Variants in HELZ observed in about 807,000 individuals in gnomAD.
The protein encoded by HELZ is helicase with zinc finger.
Under a neutral mutation model 218.2 loss-of-function variants are expected in HELZ, and 23 were observed. That is an observed-to-expected ratio of 0.11 (90% confidence interval 0.08 to 0.15). The LOEUF (loss-of-function observed/expected upper bound fraction) is 0.15, where lower values mean the gene tolerates loss of function less well. Among genes scored for constraint, HELZ ranks in the 10% least tolerant of loss-of-function variants. The pLI, the probability that HELZ is intolerant of heterozygous loss-of-function variation, is 1.00. For synonymous variants in HELZ, 814 were observed against 829.4 expected (o/e 0.98, Z 0.32); for missense variants, 1,813 against 2,353.7 (o/e 0.77, Z 4.75).
At position 67,070,875 on chromosome 17, in the gene HELZ, G is replaced by C. The variant is rs2035869787; in HGVS notation, c.*7377C>G. The stretch of plus-strand genomic sequence containing the variant: ...AACCTGACCACCTCAGTTTTGTACA[G>C]CTTCCCTCAGGAAGACTTCCCAAAA... On this transcript the variant is annotated 3_prime_UTR_variant, in exon 33 of 33. Transcript: ENST00000358691. 1 of 152,114 alleles carries C rather than the reference G, an allele frequency of 6.6e-6. No individual in the cohort carries two copies. The highest frequency in any genetic ancestry group is 6.5e-5 in the Admixed American group (1 of 15,270). 9.4% of individuals were successfully genotyped at this position (152,114 alleles called of 1,614,324 possible). A position where few individuals can be genotyped will look rare whatever the true frequency, so the allele number is the denominator to read the frequency against.
intron 12 of HELZ, among the ~76,000 whole-genome samples, chr17:67,184,296 A>G (rs538369787): frequency 7.9e-5 from 12 of 152,340 alleles, no homozygotes; most frequent in African/African-American, 2.9e-4. Flanking sequence ...GGCATTCTAC[A>G]CCTTCGGTGT....
At chr17:67,104,685 C>G (rs561815476) in intron 31 of HELZ, among the ~76,000 whole-genome samples, 35 of 152,116 alleles carry the variant, frequency 2.3e-4, no homozygotes, top group Non-Finnish European at 3.4e-4. Context: ...AAAAAAACCT[C>G]TTATAACTAA....
At chr17:67,083,604 G>T (rs1273398754) in intron 32 of HELZ, among the ~76,000 whole-genome samples, 6 of 152,156 alleles carry the variant, frequency 3.9e-5, no homozygotes, top group Admixed American at 2.0e-4. Context: ...CTCCAGTCTG[G>T]GTGTCAAGAG....
At chr17:67,218,229 GC>G (rs150699966) in intron 4 of HELZ, among the ~76,000 whole-genome samples, 31,325 of 151,968 alleles carry the variant, frequency 0.21, 3,432 homozygotes, top group African/African-American at 0.29. Flanking sequence ...ACCACGCCCA[GC>G]CGGTGTTTAT....
chr17:67,115,046 T>G lies in HELZ; in HGVS notation c.3839-643A>C, dbSNP rs190081751. Among the ~76,000 whole-genome samples, 13 of 152,306 alleles carry G rather than the reference T, an allele frequency of 8.5e-5. No individual in the cohort carries two copies. In the East Asian group the frequency reaches 1.2e-3, roughly 14 times the overall value. On this transcript the variant is annotated intron_variant, in intron 27 of 32. Transcript: ENST00000358691. ...TAAGTTCCTTGAAGGAATCCTTGATTTAGGTTCTTGTTCCAAAACATTCTT... is the reference window on the plus strand; with the variant it reads ...TAAGTTCCTTGAAGGAATCCTTGATGTAGGTTCTTGTTCCAAAACATTCTT...
intron 18 of HELZ, among the ~76,000 whole-genome samples, chr17:67,150,655 AGAAAAG>A (rs1021563005): frequency 2.0e-5 from 3 of 152,208 alleles, no homozygotes; most frequent in African/African-American, 7.2e-5. Context: ...AAAGTGTAAA[AGAAAAG>A]GAAAACACCA....
At chr17:67,174,748 GACTGC>G (rs925943584) in intron 13 of HELZ, among the ~76,000 whole-genome samples, 20 of 152,106 alleles carry the variant, frequency 1.3e-4, no homozygotes, top group South Asian at 1.0e-3. Flanking sequence ...TGGTGAGCGA[GACTGC>G]ACCATTGCAC....
intron 1 of HELZ, 133 bp downstream of exon 1, chr17:67,245,014 AG>A (rs2041441440): frequency 2.0e-6 from 2 of 984,992 alleles, no homozygotes; most frequent in African/African-American, 3.5e-5. Flanking sequence ...CGGGCCGCCC[AG>A]GCCCCCAGCC....
chr17:67,150,958 T>C, intron 18 of HELZ, 88 bp downstream of exon 18: 1 of 1,055,324 alleles, frequency 9.5e-7, no homozygotes, highest in Non-Finnish European at 1.4e-6. Context: ...TGAGCCAGAT[T>C]TGGCCCACAC....
chr17:67,189,447 CT>C (rs1361168938), intron 11 of HELZ, 141 bp downstream of exon 11: 1 of 521,748 alleles, frequency 1.9e-6, no homozygotes, highest in Non-Finnish European at 3.5e-6. Flanking sequence ...CAGAAATATA[CT>C]TTAGTACAAT....
intron 3 of HELZ, chr17:67,225,021 G>T: frequency 4.4e-6 from 3 of 675,100 alleles, no homozygotes; most frequent in South Asian, 1.4e-5. Flanking sequence ...TAAGAGAAAG[G>T]GTCAAGTGAT....
intron 21 of HELZ, 129 bp from the exon 22 acceptor site, chr17:67,138,243 ACCCCT>A: frequency 7.8e-5 from 47 of 600,556 alleles, no homozygotes; most frequent in Non-Finnish European, 1.1e-4. Context: ...AAAAAAAACT[ACCCCT>A]AAATGGGAGT....
chr17:67,202,393 T>C lies in HELZ; in HGVS notation c.372+926A>G, dbSNP rs143251992. ...CCTATTGCCCTAGCTACTGAGGAGG[T>C]TGAAACAGGATCACTTGAGCCCAAG... On this transcript the variant is annotated intron_variant, in intron 6 of 32. Transcript: ENST00000358691. Among the ~76,000 whole-genome samples the C allele has an allele frequency of 7.0e-3, 1,068 of 152,166 alleles. 11 individuals carry two copies. The highest frequency in any genetic ancestry group is 0.023 in the African/African-American group (953 of 41,514).
intron 24 of HELZ, among the ~76,000 whole-genome samples, chr17:67,127,970 A>G (rs1199647860): frequency 6.6e-6 from 1 of 152,206 alleles, no homozygotes; most frequent in African/African-American, 2.4e-5. Flanking sequence ...CAAATACTAA[A>G]CATGCCAGTC....
chr17:67,078,477 G>A lies in HELZ; in HGVS notation c.5604C>T (p.Pro1868=), dbSNP rs373138572. The A allele has an allele frequency of 5.1e-6, 8 of 1,582,226 alleles. No individual in the cohort carries two copies. The African/African-American group carries it at 1.1e-4, about 22-fold the overall frequency. ...CCGCGATCTGCTTGTTAGGCATAAGGGGTGGAAACTGGCCAAGATGCTGCA... is the reference window on the plus strand; with the variant it reads ...CCGCGATCTGCTTGTTAGGCATAAGAGGTGGAAACTGGCCAAGATGCTGCA... ...SVLQHLGQFP[P]LMPNKQIAES... Residue 1868 remains proline, a synonymous_variant, in exon 33 of 33, where the codon CCC becomes CCT. Coordinates refer to ENST00000358691, the MANE Select transcript of HELZ (RefSeq NM_014877.4).
At chr17:67,210,764 A>G (rs1179426625) in intron 5 of HELZ, among the ~76,000 whole-genome samples, 1 of 152,072 alleles carries the variant, frequency 6.6e-6, no homozygotes, top group Non-Finnish European at 1.5e-5. Flanking sequence ...TCTACTAAAA[A>G]TACAAAAATT....
At position 67,078,369 on chromosome 17, in the gene HELZ, T is replaced by A; in HGVS notation, c.5712A>T (p.Pro1904=). Residue 1904 remains proline (P), a synonymous_variant, in exon 33 of 33, where the codon CCA becomes CCT. Transcript: ENST00000358691. ...CCTGCTCAGGAGGGGGCCTGGGCTT[T>A]GGAGGGGCCCGCAGAGCGCTGGCAT... The part of the protein sequence containing the change: ...MSYASALRAP[P]KPRPPPEQAK... 2 of 1,611,846 alleles carry A rather than the reference T, an allele frequency of 1.2e-6. No individual in the cohort carries two copies. Among genetic ancestry groups the A allele is most frequent in the Non-Finnish European group, 8.5e-7 (1 of 1,179,316 alleles).
chr17:67,228,549 G>A (rs1443396269), intron 3 of HELZ, among the ~76,000 whole-genome samples: 1 of 151,906 alleles, frequency 6.6e-6, no homozygotes, highest in Non-Finnish European at 1.5e-5. Context: ...TGTAGTCCCA[G>A]CTACTTGGAA....
At chr17:67,091,744 G>A (rs1475392540) in intron 31 of HELZ, among the ~76,000 whole-genome samples, 1 of 152,036 alleles carries the variant, frequency 6.6e-6, no homozygotes, top group African/African-American at 2.4e-5. Flanking sequence ...TCCATGTCAT[G>A]GACACTCTTA....
Sources: allele counts gnomAD v4.1 joint callset (sites outside exome capture counted in the v4.1 genomes callset), GRCh38; gene constraint gnomAD v4.1.1; transcripts MANE v1.5; gene names NCBI Gene and HGNC (gene_info 2026-07-23, HGNC 2026-07-21).